The following ADGRB2 variants were observed in gnomAD, a reference collection of about 807,000 sequenced individuals.
The protein encoded by ADGRB2 is brain-specific angiogenesis inhibitor 2.
In ADGRB2, 47 loss-of-function variants were observed where a neutral mutation model predicts 178.7. That is an observed-to-expected ratio of 0.26 (90% CI 0.21 to 0.34). The LOEUF (loss-of-function observed/expected upper bound fraction) is 0.34, where lower values mean the gene tolerates loss of function less well. Ranked by LOEUF, ADGRB2 falls within the 10% of genes least tolerant of loss-of-function variation. The pLI is 1.00. For missense variants in ADGRB2, 1,584 were observed against 2,180.8 expected (o/e 0.73, Z 5.45); for synonymous variants, 870 against 912.4 (o/e 0.95, Z 0.84).
chr1:31,738,978 C>T, intron 15 of ADGRB2, 41 bp from the exon 16 acceptor site: 1 of 1,531,674 alleles, frequency 6.5e-7, no homozygotes, highest in Non-Finnish European at 8.9e-7. Context: ...CCAGCGGGTG[C>T]CAGCCCCAGT....
rs61742965 is a variant in ADGRB2, at chr1:31,732,574, C to T, written c.3663G>A (p.Arg1221=). The T allele has an allele frequency of 4.2e-3, 6,806 of 1,614,112 alleles. 235 individuals carry two copies. In the African/African-American group the frequency reaches 0.079, roughly 19 times the overall value. Residue 1221 remains arginine, a synonymous_variant, in exon 27 of 33, where the codon CGG becomes CGA. Transcript: ENST00000373658. Reference sequence around the variant, plus strand: ...CAGGGGAGTCTTCGCTCTCATCAGCCCGGCACACCCCCATCTGGCACTTCA... The same window carrying T: ...CAGGGGAGTCTTCGCTCTCATCAGCTCGGCACACCCCCATCTGGCACTTCA... ...DVVKCQMGVC[R]ADESEDSPDS...
chr1:31,736,221 G>T, intron 22 of ADGRB2, 100 bp downstream of exon 22: 8 of 1,408,014 alleles, frequency 5.7e-6, no homozygotes, highest in Non-Finnish European at 6.9e-6. Context: ...CTTGCCCAAA[G>T]ACCCAAAACA....
At chr1:31,757,304 G>T in intron 2 of ADGRB2, 23 bp from the exon 3 acceptor site, 1 of 1,544,400 alleles carries the variant, frequency 6.5e-7, no homozygotes. Flanking sequence ...TCAAAGTGGT[G>T]ATGTTTGACT....
In ADGRB2 at chr1:31,738,462, C is replaced by G. The variant is rs2280387; in HGVS notation, c.2645+125G>C. On this transcript the variant is annotated intron_variant, in intron 17 of 32. Coordinates refer to ENST00000373658, the MANE Select transcript of ADGRB2 (RefSeq NM_001364857.2). ...GGCAACAGCAGGGAGTCCCAGGATA[C>G]GTTCTTGACCCCTTAGGCTAGGATG... The G allele has an allele frequency of 0.014, 21,778 of 1,522,662 alleles. 1,962 individuals carry two copies. In the African/African-American group the frequency reaches 0.22, roughly 16 times the overall value. The allele number at this position is 1,522,662 out of a possible 1,614,324, so 94.3% of individuals were successfully genotyped here.
At position 31,758,088 on chromosome 1, in the gene ADGRB2, A is replaced by G. The variant is rs1367349302; in HGVS notation, c.-190-577T>C. On this transcript the variant is annotated intron_variant, in intron 1 of 32. Coordinates refer to ENST00000373658, the MANE Select transcript of ADGRB2 (RefSeq NM_001364857.2). The surrounding 1 kb of genome is among the most constrained non-coding windows in gnomAD (Gnocchi z 4.2). ...CCCAACTGCCCAGAAAATGGAACCT[A>G]GCGCGTGGTCTGAATCAGCCCCACT... Among the ~76,000 whole-genome samples the G allele has an allele frequency of 6.6e-6, 1 of 152,148 alleles. No homozygotes were observed. The highest frequency in any genetic ancestry group is 1.5e-5 in the Non-Finnish European group (1 of 68,022).
chr1:31,738,768 C>A (rs1645770361), intron 16 of ADGRB2, 64 bp downstream of exon 16: 1 of 1,600,366 alleles, frequency 6.2e-7, no homozygotes. Context: ...TGCTTCCCAC[C>A]AGCCAGGCCT....
At position 31,761,588 on chromosome 1, in the gene ADGRB2, G is replaced by A. The variant is rs779868207; in HGVS notation, c.-191+2296C>T. 4.2e-4 allele frequency among the ~76,000 whole-genome samples: 64 copies of A among 152,178 alleles called. No homozygotes were observed. Among genetic ancestry groups the A allele is most frequent in the Non-Finnish European group, 7.9e-4 (54 of 68,030 alleles). On this transcript the variant is annotated intron_variant, in intron 1 of 32. Transcript: ENST00000373658. The surrounding 1 kb of genome is among the most constrained non-coding windows in gnomAD (Gnocchi z 4.2). ...TTTCACTAACATCCCTCTGGCCAGA[G>A]CTGATCCCAGAGAAATATAGTGGGA...
Position 31,756,127 on chromosome 1 carries a change from G to A in ADGRB2, c.710C>T (p.Thr237Ile), listed in dbSNP as rs746506495. 1 of 1,613,440 alleles carries A rather than the reference G, an allele frequency of 6.2e-7. No individual in the cohort carries two copies. The highest frequency in any genetic ancestry group is 1.3e-5 in the African/African-American group (1 of 74,920). Residue 237 changes from threonine to isoleucine, a missense_variant, in exon 4 of 33, where the codon ACA becomes ATA. This residue lies in a region of ADGRB2 where 657 missense variants were observed against 847.6 expected (regional missense o/e 0.78). Coordinates refer to ENST00000373658, the MANE Select transcript of ADGRB2 (RefSeq NM_001364857.2). The surrounding 1 kb of genome is among the most constrained non-coding windows in gnomAD (Gnocchi z 8.5). ...GTGGGCAGCAGGAGGGCCTGGAGAT[G>A]TGGTGGTGGTGGAGCCGGCCCCCGC... ...GEAGAGSTTT[T>I]SPGPPAAHTL...
rs755750943 is a variant in ADGRB2, at chr1:31,738,931, C to T, written c.2502G>A (p.Pro834=). 2.8e-5 allele frequency: 45 copies of T among 1,608,200 alleles called. No individual in the cohort carries two copies. Among genetic ancestry groups the T allele is most frequent in the Non-Finnish European group, 3.8e-5 (45 of 1,176,562 alleles). The change falls in exon 16 of 33, where the codon CCG becomes CCA. Residue 834 remains proline, a synonymous_variant. Coordinates refer to ENST00000373658, the MANE Select transcript of ADGRB2 (RefSeq NM_001364857.2). ...LGLILPPPRP[P]LAVTSRVMTV... ...TCATCACCCGGGATGTGACGGCCAG[C>T]GGGGGCCTGCGGGACAGGTACCGAA...
chr1:31,736,288 C>T (rs1476102730), intron 22 of ADGRB2, 33 bp downstream of exon 22: 2 of 1,610,356 alleles, frequency 1.2e-6, no homozygotes, highest in Non-Finnish European at 1.7e-6. Flanking sequence ...AGATCCACTA[C>T]CCGCTACCAC....
intron 1 of ADGRB2, among the ~76,000 whole-genome samples, chr1:31,763,651 G>A (rs1375989197): frequency 6.6e-6 from 1 of 151,306 alleles, no homozygotes; most frequent in Non-Finnish European, 1.5e-5. Context: ...TGGGGGAGGG[G>A]GGGGGCCGAG....
chr1:31,752,986 G>A (rs933960661), intron 4 of ADGRB2, among the ~76,000 whole-genome samples: 2 of 152,174 alleles, frequency 1.3e-5, no homozygotes, highest in Non-Finnish European at 2.9e-5. Context: ...CCACAGGGGA[G>A]GTAGGGATTG....
At chr1:31,742,248 G>A (rs764798138) in intron 7 of ADGRB2, 31 bp from the exon 8 acceptor site, 7 of 1,568,896 alleles carry the variant, frequency 4.5e-6, no homozygotes, top group Non-Finnish European at 6.1e-6. Context: ...AGGGGTGGCT[G>A]TTGAGCAGGA....
rs1386315011 is a variant in ADGRB2 at position 31,761,934 on chromosome 1, C to A, written c.-191+1950G>T. 6.6e-6 allele frequency among the ~76,000 whole-genome samples: 1 copy of A among 152,210 alleles called. No individual in the cohort carries two copies. The highest frequency in any genetic ancestry group is 2.1e-4 in the South Asian group (1 of 4,818). On this transcript the variant is annotated intron_variant, in intron 1 of 32. Transcript: ENST00000373658. The surrounding 1 kb of genome is among the most constrained non-coding windows in gnomAD (Gnocchi z 4.2). ...AGCTATATGAGGCAGTGATCACTGA[C>A]CCATTTTATAGAGGGTCAACTGAGG...
rs964183588 is a variant in ADGRB2 at position 31,759,694 on chromosome 1, G to A, written c.-190-2183C>T. ...ATTACTTCCCACCATTCAAAATAAG[G>A]CAAAGACCCAATTCCAAGCTGGGTC... On this transcript the variant is annotated intron_variant, in intron 1 of 32. Coordinates refer to ENST00000373658, the MANE Select transcript of ADGRB2 (RefSeq NM_001364857.2). This position sits in a 1 kb window ranked among gnomAD's most constrained non-coding sequence, Gnocchi z 4.3. Among the ~76,000 whole-genome samples, 1 of 152,090 alleles carries A rather than the reference G, an allele frequency of 6.6e-6. No homozygotes were observed. The highest frequency in any genetic ancestry group is 1.5e-5 in the Non-Finnish European group (1 of 68,024).
rs1201583317 is a variant in ADGRB2 at position 31,731,175 on chromosome 1, C to G, written c.4005G>C (p.Leu1335=). 1 of 1,598,120 alleles carries G rather than the reference C, an allele frequency of 6.3e-7. No individual in the cohort carries two copies. The highest frequency in any genetic ancestry group is 1.1e-5 in the South Asian group (1 of 88,744). ...CAGTGGGCCGCAGCCATGTGAGGTC[C>G]AGCTGCCGCAGGCCACCCTCCCCAC... The part of the protein sequence containing the change: ...YMCGEGGLRQ[L]DLTWLRPTEP... Residue 1335 remains leucine, a synonymous_variant, in exon 29 of 33, where the codon CTG becomes CTC. Transcript: ENST00000373658.
Position 31,742,856 on chromosome 1 carries a change from T to G in ADGRB2, c.1234A>C (p.Ser412Arg). 6.6e-7 allele frequency: 1 copy of G among 1,512,606 alleles called. No homozygotes were observed. Among genetic ancestry groups the G allele is most frequent in the South Asian group, 1.2e-5 (1 of 80,986 alleles). 93.7% of individuals were successfully genotyped at this position (1,512,606 alleles called of 1,614,324 possible). Residue 412 changes from serine (S) to arginine (R), a missense_variant, in exon 7 of 33, where the codon AGT becomes CGT. Physicochemically the swap from Ser to Arg is moderately radical, Grantham distance 110 (BLOSUM62 -1). Transcript: ENST00000373658. ...TACTGACCCGGGCAGGCAGCCATACTGCAGAGCTTAGTCTGCAGCTCAGGA... is the reference window on the plus strand; with the variant it reads ...TACTGACCCGGGCAGGCAGCCATACGGCAGAGCTTAGTCTGCAGCTCAGGA... ...EGPELQTKLC[S>R]MAACPVEGQW...
rs561861793 is a variant in ADGRB2, at chr1:31,735,124, GCCC to G, written c.3452+56_3452+58del. ...TCCTCCTCCCCCCACCATGGGCACT[GCCC>G]CCCCCAATTCCTTTGCCCCACCCAC... On this transcript the variant is annotated intron_variant, in intron 25 of 32. Coordinates refer to ENST00000373658, the MANE Select transcript of ADGRB2 (RefSeq NM_001364857.2). This position sits in a 1 kb window ranked among gnomAD's most constrained non-coding sequence, Gnocchi z 6.0. The G allele has an allele frequency of 3.4e-6, 3 of 878,030 alleles. No individual in the cohort carries two copies. Among genetic ancestry groups the G allele is most frequent in the African/African-American group, 3.5e-5 (2 of 57,114 alleles). The allele number at this position is 878,030 out of a possible 1,614,324, so 54.4% of individuals were successfully genotyped here.
Position 31,763,915 on chromosome 1 carries a change from G to T in ADGRB2, c.-222C>A. On this transcript the variant is annotated 5_prime_UTR_variant, in exon 1 of 33. Transcript: ENST00000373658. Reference sequence around the variant, plus strand: ...GCCGTCAGCAGCAGGAGCGGGGGCCGGCGCTGGCGGGGGCGGCCACGGGGC... The same window carrying T: ...GCCGTCAGCAGCAGGAGCGGGGGCCTGCGCTGGCGGGGGCGGCCACGGGGC... 1 of 985,630 alleles carries T rather than the reference G, an allele frequency of 1.0e-6. No individual in the cohort carries two copies. Among genetic ancestry groups the T allele is most frequent in the South Asian group, 4.7e-5 (1 of 21,452 alleles). The allele number at this position is 985,630 out of a possible 1,614,324, so 61.1% of individuals were successfully genotyped here.
Sources: allele counts gnomAD v4.1 joint callset (sites outside exome capture counted in the v4.1 genomes callset), GRCh38; gene constraint gnomAD v4.1.1; regional missense constraint gnomAD v4.1.1; non-coding constraint Gnocchi (gnomAD v3.1); transcripts MANE v1.5; gene names NCBI Gene and HGNC (gene_info 2026-07-23, HGNC 2026-07-21).